The following CDYL variants were observed in gnomAD, a reference collection of about 807,000 sequenced individuals.
CDYL encodes the protein chromodomain Y-like protein.
A neutral mutation model predicts 47.3 loss-of-function variants in CDYL; 8 were observed. The observed-to-expected ratio is 0.17, with a 90% CI of 0.10 to 0.31. The LOEUF (loss-of-function observed/expected upper bound fraction) is 0.31, where lower values mean the gene tolerates loss of function less well. CDYL is among the 10% of genes least tolerant of loss of function. The pLI is 1.00. For missense variants in CDYL, 471 were observed against 701.4 expected, an observed-to-expected ratio of 0.67 and a Z score of 3.71; for synonymous variants, 266 against 265.0, an observed-to-expected ratio of 1.00 and a Z score of -0.04.
chr6:4,903,546 T>TA (rs1757134191), intron 2 of CDYL, among the ~76,000 whole-genome samples: 1 of 152,196 alleles, frequency 6.6e-6, no homozygotes, highest in African/African-American at 2.4e-5. Flanking sequence ...AGTGAAATAA[T>TA]AAAAGAACCC....
chr6:4,934,858 A>T (rs766283507), intron 2 of CDYL, among the ~76,000 whole-genome samples: 34 of 152,290 alleles, frequency 2.2e-4, no homozygotes, highest in Admixed American at 4.6e-4. Flanking sequence ...CGTTGGCAGG[A>T]TGCTTTATGT....
At chr6:4,898,690 T>G (rs1488653060) in intron 2 of CDYL, among the ~76,000 whole-genome samples, 1 of 152,152 alleles carries the variant, frequency 6.6e-6, no homozygotes, top group African/African-American at 2.4e-5. Flanking sequence ...CTGCGTGTGC[T>G]TAAGGATTCT....
intron 1 of CDYL, among the ~76,000 whole-genome samples, chr6:4,878,342 C>G (rs1761673000): frequency 6.6e-6 from 1 of 151,732 alleles, no homozygotes. Context: ...AATTCACCAG[C>G]AAAGCCATCT....
At chr6:4,709,938 T>C (rs762842839) in intron 1 of CDYL, among the ~76,000 whole-genome samples, 6 of 152,104 alleles carry the variant, frequency 3.9e-5, no homozygotes, top group Non-Finnish European at 8.8e-5. Context: ...AACATCTCTT[T>C]GGCCAGGCAC....
intron 1 of CDYL, among the ~76,000 whole-genome samples, chr6:4,837,324 T>C (rs1760346295): frequency 6.6e-6 from 1 of 152,210 alleles, no homozygotes; most frequent in African/African-American, 2.4e-5. Context: ...TTTTGACCAA[T>C]ACATTTGTTG....
intron 1 of CDYL, among the ~76,000 whole-genome samples, chr6:4,790,945 C>T (rs1758899756): frequency 6.6e-6 from 1 of 152,132 alleles, no homozygotes; most frequent in Non-Finnish European, 1.5e-5. Context: ...AAATTTGGTC[C>T]AACAAACATC....
chr6:4,719,700 A>G (rs1298671936), intron 2 of CDYL, among the ~76,000 whole-genome samples: 1 of 152,160 alleles, frequency 6.6e-6, no homozygotes, highest in East Asian at 1.9e-4. Flanking sequence ...AACCATTAGC[A>G]CCCAGGATGA....
intron 3 of CDYL, among the ~76,000 whole-genome samples, chr6:4,747,090 T>C: frequency 6.6e-6 from 1 of 152,106 alleles, no homozygotes; most frequent in African/African-American, 2.4e-5. Context: ...GGGCCGATCA[T>C]GAGGTCAAGA....
rs1561670333 is a variant in CDYL at position 4,852,539 on chromosome 6, C to CCAAT, written c.25-39173_25-39172insAATC. On this transcript the variant is annotated intron_variant, in intron 1 of 6. Coordinates refer to ENST00000397588, the MANE Select transcript of CDYL (RefSeq NM_004824.4). ...ATCTTCCTTCCTTCCTTCCAATCTTCCTTCCTTCCTTCCTTCCTTCCAATC... is the reference window on the plus strand; with the variant it reads ...ATCTTCCTTCCTTCCTTCCAATCTTCCAATCTTCCTTCCTTCCTTCCTTCCAATC... 1.8e-3 allele frequency among the ~76,000 whole-genome samples: 172 copies of CCAAT among 98,224 alleles called. 15 individuals are homozygous for CCAAT. Among genetic ancestry groups the CCAAT allele is most frequent in the African/African-American group, 4.5e-3 (92 of 20,650 alleles). 64.4% of individuals were successfully genotyped at this position (98,224 alleles called of 152,430 possible).
intron 2 of CDYL, among the ~76,000 whole-genome samples, chr6:4,722,634 T>A (rs920469906): frequency 1.3e-5 from 2 of 152,162 alleles, no homozygotes; most frequent in Admixed American, 1.3e-4. Context: ...CCCAGCACTT[T>A]GGGAGGCCAT....
At chr6:4,793,996 A>G (rs1157222334) in intron 1 of CDYL, among the ~76,000 whole-genome samples, 2 of 152,042 alleles carry the variant, frequency 1.3e-5, no homozygotes, top group African/African-American at 4.8e-5. Flanking sequence ...TTAGACATCT[A>G]GTGGGAGCGG....
chr6:4,950,951 T>TG (rs1040176769), intron 5 of CDYL, among the ~76,000 whole-genome samples: 3 of 149,368 alleles, frequency 2.0e-5, no homozygotes, highest in Admixed American at 6.7e-5. Flanking sequence ...AAAAAAAACT[T>TG]GCAAACCCTC....
At chr6:4,901,531 A>G (rs1431465277) in intron 2 of CDYL, among the ~76,000 whole-genome samples, 1 of 152,106 alleles carries the variant, frequency 6.6e-6, no homozygotes, top group Non-Finnish European at 1.5e-5. Flanking sequence ...TTCCTCTTTC[A>G]GAGAATCCTT....
chr6:4,724,484 T>TG (rs1321612023), intron 2 of CDYL: 3 of 152,628 alleles, frequency 2.0e-5, no homozygotes, highest in Non-Finnish European at 4.4e-5. Context: ...CCGGAATCGG[T>TG]GGGTTCTTGG....
intron 1 of CDYL, among the ~76,000 whole-genome samples, chr6:4,843,115 G>A (rs1429325766): frequency 6.6e-6 from 1 of 152,112 alleles, no homozygotes; most frequent in Non-Finnish European, 1.5e-5. Flanking sequence ...GTTTAAGGAG[G>A]CTAAGGATAG....
intron 1 of CDYL, among the ~76,000 whole-genome samples, chr6:4,871,097 GT>G (rs750646856): frequency 6.6e-6 from 1 of 152,196 alleles, no homozygotes; most frequent in African/African-American, 2.4e-5. Flanking sequence ...GTTTATGTGT[GT>G]TTTAAGTCAC....
At chr6:4,918,169 C>A (rs57913973) in intron 2 of CDYL, among the ~76,000 whole-genome samples, 2,718 of 152,228 alleles carry the variant, frequency 0.018, 78 homozygotes, top group African/African-American at 0.063. Context: ...ATCATTCAAT[C>A]CCATGTCAAA....
intron 3 of CDYL, among the ~76,000 whole-genome samples, chr6:4,744,076 G>T (rs1757843451): frequency 6.6e-6 from 1 of 152,162 alleles, no homozygotes; most frequent in Non-Finnish European, 1.5e-5. Context: ...GTCTGCAGAG[G>T]CTGGTGAAGG....
intron 1 of CDYL, among the ~76,000 whole-genome samples, chr6:4,869,743 C>A (rs1247187991): frequency 1.3e-5 from 2 of 152,150 alleles, no homozygotes; most frequent in Non-Finnish European, 2.9e-5. Context: ...CTCCTCCCCC[C>A]TCCTTTTTGG....
Sources: allele counts gnomAD v4.1 joint callset (sites outside exome capture counted in the v4.1 genomes callset), GRCh38; gene constraint gnomAD v4.1.1; transcripts MANE v1.5; gene names NCBI Gene and HGNC (gene_info 2026-07-23, HGNC 2026-07-21).